The following PIEZO2 variants were observed in gnomAD, a reference collection of about 807,000 sequenced individuals.
PIEZO2 encodes the protein piezo-type mechanosensitive ion channel component 2.
A neutral mutation model predicts 337.3 loss-of-function variants in PIEZO2; 172 were observed. The observed-to-expected ratio is 0.51, with a 90% CI of 0.45 to 0.58. The LOEUF is 0.58. Among genes scored for constraint, PIEZO2 ranks in the 20% least tolerant of loss-of-function variants. PIEZO2 has a pLI of 0.00. For synonymous variants in PIEZO2, 1,251 were observed against 1,228.5 expected (o/e 1.02, Z -0.38); for missense variants, 3,028 against 3,391.3 (o/e 0.89, Z 2.66).
chr18:11,027,812 T>C lies in PIEZO2; in HGVS notation c.160+38315A>G, dbSNP rs2036587856. On this transcript the variant is annotated intron_variant, in intron 2 of 55. Coordinates refer to ENST00000674853, the MANE Select transcript of PIEZO2 (RefSeq NM_001378183.1). The surrounding 1 kb of genome is among the most constrained non-coding windows in gnomAD (Gnocchi z 4.2). ...TTAGCGTTTCAGTTCAATACTGAAA[T>C]TTCAGCTTATGACTTGGTAAGTGGT... Among the ~76,000 whole-genome samples, 1 of 142,264 alleles carries C rather than the reference T, an allele frequency of 7.0e-6. No homozygotes were observed. The highest frequency in any genetic ancestry group is 2.2e-4 in the South Asian group (1 of 4,598). 93.3% of individuals were successfully genotyped at this position (142,264 alleles called of 152,430 possible).
chr18:10,918,317 G>A lies in PIEZO2; in HGVS notation c.287-7089C>T, dbSNP rs455273. Among the ~76,000 whole-genome samples, 24 of 151,862 alleles carry A rather than the reference G, an allele frequency of 1.6e-4. No homozygotes were observed. In the South Asian group the frequency reaches 2.9e-3, roughly 18 times the overall value. On this transcript the variant is annotated intron_variant, in intron 3 of 55. Transcript: ENST00000674853. Reference sequence around the variant, plus strand: ...TAGTTTTCATATTTAATGACACATTGTTTTTTAAAATATCATTTTCACATC... The same window carrying A: ...TAGTTTTCATATTTAATGACACATTATTTTTTAAAATATCATTTTCACATC...
At chr18:10,689,309 TCCAAG>T (rs2034692521) in intron 49 of PIEZO2, among the ~76,000 whole-genome samples, 1 of 152,126 alleles carries the variant, frequency 6.6e-6, no homozygotes, top group South Asian at 2.1e-4. Context: ...TAAGCATGAG[TCCAAG>T]CCACCACCAG....
At chr18:11,045,820 C>A (rs1403096148) in intron 2 of PIEZO2, among the ~76,000 whole-genome samples, 1 of 152,104 alleles carries the variant, frequency 6.6e-6, no homozygotes, top group Admixed American at 6.5e-5. Context: ...TTCAACTTAC[C>A]CTTTAGGATC....
intron 32 of PIEZO2, among the ~76,000 whole-genome samples, chr18:10,742,008 A>G (rs902898400): frequency 2.6e-5 from 4 of 151,042 alleles, no homozygotes; most frequent in Non-Finnish European, 5.9e-5. Context: ...AAAAAAAATT[A>G]GCCGGGCGTG....
chr18:10,988,783 A>G lies in PIEZO2; in HGVS notation c.161-9123T>C, dbSNP rs976706016. On this transcript the variant is annotated intron_variant, in intron 2 of 55. Transcript: ENST00000674853. This position sits in a 1 kb window ranked among gnomAD's most constrained non-coding sequence, Gnocchi z 4.8. ...AGGAAATCATGCCATTTGCAACAAT[A>G]TGACTAGACATGGAGGGAGGGCATT... 6.6e-6 allele frequency among the ~76,000 whole-genome samples: 1 copy of G among 152,318 alleles called. No homozygotes were observed. The highest frequency in any genetic ancestry group is 1.5e-5 in the Non-Finnish European group (1 of 68,020).
intron 2 of PIEZO2, among the ~76,000 whole-genome samples, chr18:11,023,659 G>C (rs2036406666): frequency 6.6e-6 from 1 of 152,214 alleles, no homozygotes; most frequent in Non-Finnish European, 1.5e-5. Context: ...ACACTCCTCA[G>C]CCCTTGGGTG....
chr18:10,930,017 G>C (rs1228593449), intron 3 of PIEZO2, among the ~76,000 whole-genome samples: 1 of 152,162 alleles, frequency 6.6e-6, no homozygotes, highest in Non-Finnish European at 1.5e-5. Context: ...AAGACTGACA[G>C]AACAAACTTT....
In PIEZO2 at chr18:10,713,171, A is replaced by AT. The variant is rs1258680690; in HGVS notation, c.5423+1592dup. 6.6e-6 allele frequency among the ~76,000 whole-genome samples: 1 copy of AT among 152,108 alleles called. No homozygotes were observed. The highest frequency in any genetic ancestry group is 1.5e-5 in the Non-Finnish European group (1 of 68,026). On this transcript the variant is annotated intron_variant, in intron 39 of 55. Transcript: ENST00000674853. The surrounding 1 kb of genome is among the most constrained non-coding windows in gnomAD (Gnocchi z 4.5). Reference sequence around the variant, plus strand: ...GCATACATCTTATTTTAAAACTTGGATTTTTACTAAATATATGTATATATT... The same window carrying AT: ...GCATACATCTTATTTTAAAACTTGGATTTTTTACTAAATATATGTATATATT...
intron 7 of PIEZO2, among the ~76,000 whole-genome samples, chr18:10,849,543 C>G (rs755178850): frequency 9.2e-5 from 14 of 152,206 alleles, no homozygotes; most frequent in Non-Finnish European, 1.9e-4. Context: ...AGGGCACCAT[C>G]TGCATCGTTA....
chr18:11,099,383 A>G lies in PIEZO2; in HGVS notation c.65-33161T>C, dbSNP rs1379354553. 6.6e-6 allele frequency among the ~76,000 whole-genome samples: 1 copy of G among 152,232 alleles called. No homozygotes were observed. Among genetic ancestry groups the G allele is most frequent in the South Asian group, 2.1e-4 (1 of 4,826 alleles). On this transcript the variant is annotated intron_variant, in intron 1 of 55. Coordinates refer to ENST00000674853, the MANE Select transcript of PIEZO2 (RefSeq NM_001378183.1). The surrounding 1 kb of genome is among the most constrained non-coding windows in gnomAD (Gnocchi z 5.4). ...TTCCTTGTTAAATGCACCCTCACCA[A>G]TACCAAATTGGTCCATTTATTTTTG...
intron 3 of PIEZO2, among the ~76,000 whole-genome samples, chr18:10,912,634 C>A (rs187046218): frequency 6.6e-6 from 1 of 152,150 alleles, no homozygotes; most frequent in Non-Finnish European, 1.5e-5. Context: ...GAGAACTCTG[C>A]CTCAAAGGCT....
intron 1 of PIEZO2, among the ~76,000 whole-genome samples, chr18:11,138,468 G>A (rs1462559639): frequency 6.6e-6 from 1 of 151,932 alleles, no homozygotes. Flanking sequence ...GCTAATTTTT[G>A]TATTTTAGTA....
chr18:10,799,022 G>A (rs2039710631), intron 11 of PIEZO2, among the ~76,000 whole-genome samples: 1 of 152,198 alleles, frequency 6.6e-6, no homozygotes, highest in South Asian at 2.1e-4. Flanking sequence ...CCTTACTGCG[G>A]AATGTCAGAT....
Position 10,773,791 on chromosome 18 carries a change from GTTTGT to G in PIEZO2, c.2568-167_2568-163del, listed in dbSNP as rs1180768312. Among the ~76,000 whole-genome samples the G allele has an allele frequency of 6.6e-6, 1 of 152,212 alleles. No homozygotes were observed. The highest frequency in any genetic ancestry group is 1.5e-5 in the Non-Finnish European group (1 of 68,030). On this transcript the variant is annotated intron_variant, in intron 19 of 55. Transcript: ENST00000674853. The surrounding 1 kb of genome is among the most constrained non-coding windows in gnomAD (Gnocchi z 5.3). ...TTGTCACTTTCTTTTTGGTTGGTTT[GTTTGT>G]TTTAAGTTCTTTCTAAAAACAAACT...
At chr18:10,934,311 G>A (rs1356769776) in intron 3 of PIEZO2, among the ~76,000 whole-genome samples, 1 of 152,160 alleles carries the variant, frequency 6.6e-6, no homozygotes, top group African/African-American at 2.4e-5. Context: ...TCCACATCCA[G>A]GAGTGAGGTT....
rs2037593206 is a variant in PIEZO2, at chr18:10,750,214, C to T, written c.4168-27G>A. ...TGAAAAACAAAAGAGGGGGATAATC[C>T]TGAAGCTCTGCAGCCAGAAAAAAAA... On this transcript the variant is annotated intron_variant, in intron 28 of 55. Transcript: ENST00000674853. The surrounding 1 kb of genome is among the most constrained non-coding windows in gnomAD (Gnocchi z 4.1). 15 of 1,483,818 alleles carry T rather than the reference C, an allele frequency of 1.0e-5. No individual in the cohort carries two copies. Among genetic ancestry groups the T allele is most frequent in the Non-Finnish European group, 1.3e-5 (14 of 1,098,332 alleles). 91.9% of individuals were successfully genotyped at this position (1,483,818 alleles called of 1,614,324 possible).
Position 10,795,111 on chromosome 18 carries a change from C to T in PIEZO2, c.1528-109G>A, listed in dbSNP as rs867446564. 200 of 951,306 alleles carry T rather than the reference C, an allele frequency of 2.1e-4. No homozygotes were observed. In the Middle Eastern group the frequency reaches 2.2e-3, roughly 11 times the overall value. 58.9% of individuals were successfully genotyped at this position (951,306 alleles called of 1,614,324 possible). ...AAAGAAAAGGTCATAATATTCAAAC[C>T]AGGGAGAGTAGAGAGTTGTGGTGGA... On this transcript the variant is annotated intron_variant, in intron 12 of 55. Transcript: ENST00000674853. This position sits in a 1 kb window ranked among gnomAD's most constrained non-coding sequence, Gnocchi z 4.4.
intron 3 of PIEZO2, among the ~76,000 whole-genome samples, chr18:10,957,342 AGCCAAGATTG>A (rs2033582387): frequency 6.6e-6 from 1 of 152,042 alleles, no homozygotes; most frequent in African/African-American, 2.4e-5. Flanking sequence ...GGTTTCAGTG[AGCCAAGATTG>A]TGCCACTGCA....
At position 10,767,229 on chromosome 18, in the gene PIEZO2, G is replaced by A. The variant is rs988609582; in HGVS notation, c.2946+2919C>T. ...TAAATCTAGATTATTCCAAAGCAGT[G>A]TCACTCCTGAATAAGATGCTGATGG... On this transcript the variant is annotated intron_variant, in intron 21 of 55. Coordinates refer to ENST00000674853, the MANE Select transcript of PIEZO2 (RefSeq NM_001378183.1). The surrounding 1 kb of genome is among the most constrained non-coding windows in gnomAD (Gnocchi z 4.2). Among the ~76,000 whole-genome samples the A allele has an allele frequency of 6.6e-6, 1 of 152,140 alleles. No homozygotes were observed. Among genetic ancestry groups the A allele is most frequent in the Non-Finnish European group, 1.5e-5 (1 of 68,030 alleles).
Sources: allele counts gnomAD v4.1 joint callset (sites outside exome capture counted in the v4.1 genomes callset), GRCh38; gene constraint gnomAD v4.1.1; non-coding constraint Gnocchi (gnomAD v3.1); transcripts MANE v1.5; gene names NCBI Gene and HGNC (gene_info 2026-07-23, HGNC 2026-07-21).